The following BTNL8 variants were observed in gnomAD, a reference collection of about 807,000 sequenced individuals.
The protein encoded by BTNL8 is butyrophilin-like protein 8.
A neutral mutation model predicts 36.1 loss-of-function variants in BTNL8; 22 were observed. The observed-to-expected ratio is 0.61, with a 90% CI of 0.44 to 0.87. The LOEUF is 0.87. Among genes scored for constraint, BTNL8 ranks in the 40% least tolerant of loss-of-function variants. The probability of loss-of-function intolerance (pLI) is 0.00; values close to 1 mark genes in which losing one functional copy is unlikely to be tolerated. For synonymous variants in BTNL8, 203 were observed against 235.6 expected (o/e 0.86, Z 1.27); for missense variants, 526 against 616.9 (o/e 0.85, Z 1.56).
chr5:180,902,210 T>A, intron 1 of BTNL8: 1 of 732,900 alleles, frequency 1.4e-6, no homozygotes, highest in Non-Finnish European at 2.1e-6. Context: ...TTGAAGCAAA[T>A]GGGCAGATGG....
At chr5:180,940,627 A>G (rs1405224749) in intron 3 of BTNL8, among the ~76,000 whole-genome samples, 1 of 152,176 alleles carries the variant, frequency 6.6e-6, no homozygotes, top group Non-Finnish European at 1.5e-5. Flanking sequence ...TTGTGTTTTG[A>G]AAAGATAAAA....
intron 3 of BTNL8, among the ~76,000 whole-genome samples, chr5:180,927,902 A>G (rs1377457424): frequency 6.6e-6 from 1 of 152,210 alleles, no homozygotes; most frequent in Non-Finnish European, 1.5e-5. Context: ...CAAGTTGGAA[A>G]AGATTCTCCA....
chr5:180,902,321 A>C, intron 1 of BTNL8: 12 of 1,539,364 alleles, frequency 7.8e-6, no homozygotes, highest in Non-Finnish European at 1.1e-5. Flanking sequence ...AAAAATAAAA[A>C]CATTAATAAT....
At chr5:180,913,362 G>T (rs146134323) in intron 3 of BTNL8, among the ~76,000 whole-genome samples, 1 of 152,114 alleles carries the variant, frequency 6.6e-6, no homozygotes, top group Admixed American at 6.5e-5. Context: ...TGCTACGCAG[G>T]ACCCACCCCT....
intron 6 of BTNL8, 21 bp from the exon 7 acceptor site, chr5:180,949,218 G>T (rs1759427110): frequency 6.9e-7 from 1 of 1,453,254 alleles, no homozygotes; most frequent in Non-Finnish European, 9.5e-7. Flanking sequence ...TGAACTGCCT[G>T]CTCTGTCTGC....
Position 180,899,211 on chromosome 5 carries a change from A to C in BTNL8, c.-100A>C. On this transcript the variant is annotated 5_prime_UTR_variant, in exon 1 of 8. Coordinates refer to ENST00000340184, the MANE Select transcript of BTNL8 (RefSeq NM_001040462.3). ...CGCAGAGCCTCTCCGTGGCTTCCGC[A>C]CCTTGAGCATTAGGCCAGTTCTCCT... 3 of 1,445,072 alleles carry C rather than the reference A, an allele frequency of 2.1e-6. No individual in the cohort carries two copies. The highest frequency in any genetic ancestry group is 2.9e-6 in the Non-Finnish European group (3 of 1,030,170). 89.5% of individuals were successfully genotyped at this position (1,445,072 alleles called of 1,614,324 possible).
chr5:180,913,300 G>T (rs1356501255), intron 3 of BTNL8, among the ~76,000 whole-genome samples: 1 of 152,104 alleles, frequency 6.6e-6, no homozygotes, highest in Non-Finnish European at 1.5e-5. Context: ...ATTGCCCAAA[G>T]AAACTGTAAT....
chr5:180,918,846 T>C (rs1757753318), intron 3 of BTNL8, among the ~76,000 whole-genome samples: 1 of 152,180 alleles, frequency 6.6e-6, no homozygotes, highest in East Asian at 1.9e-4. Context: ...CTGGAATCCA[T>C]AGAAAAGAGT....
intron 1 of BTNL8, among the ~76,000 whole-genome samples, chr5:180,899,729 T>C (rs1756742068): frequency 6.6e-6 from 1 of 152,174 alleles, no homozygotes; most frequent in African/African-American, 2.4e-5. Context: ...AGACAATGTA[T>C]CCAGCTAAAG....
chr5:180,939,288 C>G (rs1758810231), intron 3 of BTNL8, among the ~76,000 whole-genome samples: 1 of 151,448 alleles, frequency 6.6e-6, no homozygotes, highest in African/African-American at 2.4e-5. Context: ...AAAAAAGATC[C>G]CATTATATGG....
intron 3 of BTNL8, among the ~76,000 whole-genome samples, chr5:180,914,664 C>T (rs953994107): frequency 6.6e-6 from 1 of 152,190 alleles, no homozygotes; most frequent in Non-Finnish European, 1.5e-5. Context: ...CAAACTATCA[C>T]ACAACTATAC....
At chr5:180,931,117 T>A (rs1287194406) in intron 3 of BTNL8, among the ~76,000 whole-genome samples, 2 of 152,080 alleles carry the variant, frequency 1.3e-5, no homozygotes, top group Non-Finnish European at 2.9e-5. Flanking sequence ...AACAGATATA[T>A]AGAGCAATGG....
At chr5:180,920,427 C>CCATT in intron 3 of BTNL8, among the ~76,000 whole-genome samples, 1 of 151,928 alleles carries the variant, frequency 6.6e-6, no homozygotes, top group Admixed American at 6.6e-5. Flanking sequence ...TATTTTCCAT[C>CCATT]ACACACAAAA....
At chr5:180,945,791 A>T in intron 3 of BTNL8, 1 of 511,636 alleles carries the variant, frequency 2.0e-6, no homozygotes. Flanking sequence ...GCCACTCATG[A>T]AAATTCGGTC....
In BTNL8 at chr5:180,911,402, G is replaced by A; in HGVS notation, c.461G>A (p.Cys154Tyr). 6.2e-7 allele frequency: 1 copy of A among 1,614,210 alleles called. No homozygotes were observed. Among genetic ancestry groups the A allele is most frequent in the Non-Finnish European group, 8.5e-7 (1 of 1,180,038 alleles). ...GYVDRDIQLL[C>Y]QSSGWFPRPT... ...GTTGATAGAGACATCCAGCTACTCT[G>A]TCAGTCCTCGGGCTGGTTCCCCCGG... The change falls in exon 3 of 8, where the codon TGT becomes TAT. Residue 154 changes from cysteine (C) to tyrosine (Y), a missense_variant. Around this residue, in one of 2 missense-constraint regions of BTNL8, gnomAD observed 350 missense variants for 324.6 expected, o/e 1.08. Coordinates refer to ENST00000340184, the MANE Select transcript of BTNL8 (RefSeq NM_001040462.3).
chr5:180,922,769 T>G (rs1373327924), intron 3 of BTNL8, among the ~76,000 whole-genome samples: 1 of 151,736 alleles, frequency 6.6e-6, no homozygotes, highest in African/African-American at 2.4e-5. Context: ...CTCAATAATC[T>G]ATCTAATACA....
chr5:180,923,900 A>C (rs969239330), intron 3 of BTNL8, among the ~76,000 whole-genome samples: 2 of 152,242 alleles, frequency 1.3e-5, no homozygotes, highest in African/African-American at 4.8e-5. Context: ...AAAATGTCAC[A>C]TAGAAATATA....
At chr5:180,920,588 CAAGT>C (rs1385594945) in intron 3 of BTNL8, among the ~76,000 whole-genome samples, 4 of 151,926 alleles carry the variant, frequency 2.6e-5, no homozygotes, top group Non-Finnish European at 5.9e-5. Flanking sequence ...CAAAAATGAA[CAAGT>C]AAGATTACAT....
chr5:180,943,682 G>C (rs961046338), intron 3 of BTNL8, among the ~76,000 whole-genome samples: 1 of 152,098 alleles, frequency 6.6e-6, no homozygotes, highest in African/African-American at 2.4e-5. Context: ...AAACACTATG[G>C]AGATTTCTCA....
Sources: allele counts gnomAD v4.1 joint callset (sites outside exome capture counted in the v4.1 genomes callset), GRCh38; gene constraint gnomAD v4.1.1; regional missense constraint gnomAD v4.1.1; transcripts MANE v1.5; gene names NCBI Gene and HGNC (gene_info 2026-07-23, HGNC 2026-07-21).